Variants in ZNG1A observed in about 807,000 individuals in gnomAD.
The protein encoded by ZNG1A is zinc-regulated GTPase metalloprotein activator 1A.
chr9:161,504 T>C, the ZNG1A span: 16 of 1,048,822 alleles, frequency 1.5e-5, no homozygotes, highest in South Asian at 1.5e-4. Flanking sequence ...CGTTCAGATA[T>C]GAGGTTGGAT....
the ZNG1A span, among the ~76,000 whole-genome samples, chr9:136,903 G>A: frequency 6.6e-6 from 1 of 151,620 alleles, no homozygotes. Flanking sequence ...AATTAGCCAG[G>A]CATGGGTGCA....
At chr9:137,485 TTAAAA>T in the ZNG1A span, among the ~76,000 whole-genome samples, 3 of 151,936 alleles carry the variant, frequency 2.0e-5, no homozygotes, top group Middle Eastern at 3.4e-3. Flanking sequence ...CAGCATCAAA[TTAAAA>T]ATACAGTTCT....
At chr9:164,271 A>G in the ZNG1A span, 1 of 472,564 alleles carries the variant, frequency 2.1e-6, no homozygotes, top group Non-Finnish European at 3.7e-6. Flanking sequence ...CCTTTAAAAA[A>G]GACCAATTCT....
chr9:175,255 G>C, the ZNG1A span, among the ~76,000 whole-genome samples: 2 of 151,922 alleles, frequency 1.3e-5, no homozygotes, highest in Non-Finnish European at 2.9e-5. Context: ...GCGCACGCCT[G>C]TAGTCCCAGC....
chr9:166,535 C>G, the ZNG1A span: 1 of 152,624 alleles, frequency 6.6e-6, no homozygotes, highest in Admixed American at 6.5e-5. Context: ...ATAGGGCACA[C>G]AAGTGGCAAA....
At chr9:129,502 C>T in the ZNG1A span, among the ~76,000 whole-genome samples, 2 of 149,378 alleles carry the variant, frequency 1.3e-5, no homozygotes, top group African/African-American at 2.5e-5. Context: ...AAAAAAATCC[C>T]GTCATATACT....
the ZNG1A span, among the ~76,000 whole-genome samples, chr9:173,564 A>C: frequency 8.5e-5 from 13 of 152,320 alleles, no homozygotes; most frequent in African/African-American, 3.1e-4. Context: ...AGATGACTTA[A>C]GCCCTGAAAA....
At chr9:129,292 G>A in the ZNG1A span, among the ~76,000 whole-genome samples, 2 of 152,024 alleles carry the variant, frequency 1.3e-5, no homozygotes, top group Non-Finnish European at 2.9e-5. Context: ...AGGAAAAGCA[G>A]AAAAGTGCTT....
chr9:151,508 A>G, the ZNG1A span: 1 of 957,760 alleles, frequency 1.0e-6, no homozygotes, highest in Non-Finnish European at 1.2e-6. Flanking sequence ...TGAAATTAAG[A>G]TAACATTCAA....
At chr9:176,469 C>T in the ZNG1A span, among the ~76,000 whole-genome samples, 1 of 150,522 alleles carries the variant, frequency 6.6e-6, no homozygotes, top group South Asian at 2.1e-4. Context: ...AAAACTTTTA[C>T]ATGTAGGCTA....
At chr9:167,100 A>G in the ZNG1A span, 3 of 75,624 alleles carry the variant, frequency 4.0e-5, no homozygotes, top group Admixed American at 1.1e-4. Context: ...ATTTTAGATT[A>G]AAAAAAAAAA....
the ZNG1A span, among the ~76,000 whole-genome samples, chr9:140,924 T>C: frequency 7.0e-6 from 1 of 141,976 alleles, no homozygotes; most frequent in Non-Finnish European, 1.5e-5. Context: ...TGCGATCAAC[T>C]GGAAGAAAGG....
the ZNG1A span, chr9:172,308 C>G: frequency 9.3e-7 from 1 of 1,081,074 alleles, no homozygotes; most frequent in South Asian, 1.6e-5. Context: ...TCACTTCTAA[C>G]CTTCTAACAA....
the ZNG1A span, among the ~76,000 whole-genome samples, chr9:129,229 G>C: frequency 6.6e-6 from 1 of 152,094 alleles, no homozygotes; most frequent in Non-Finnish European, 1.5e-5. Context: ...GATGTGTTGG[G>C]CTCTAGAATG....
At chr9:153,620 A>G in the ZNG1A span, 2 of 151,826 alleles carry the variant, frequency 1.3e-5, no homozygotes, top group East Asian at 3.9e-4. Flanking sequence ...AACAATACCT[A>G]CCCTCCACGT....
chr9:173,792 A>G, the ZNG1A span, among the ~76,000 whole-genome samples: 4 of 152,034 alleles, frequency 2.6e-5, no homozygotes, highest in Non-Finnish European at 5.9e-5. Flanking sequence ...TCTTCTTCTA[A>G]ATTGTTTCTG....
the ZNG1A span, among the ~76,000 whole-genome samples, chr9:128,741 G>C: frequency 6.7e-6 from 1 of 150,352 alleles, no homozygotes; most frequent in African/African-American, 2.5e-5. Flanking sequence ...TTTGGGGGGT[G>C]TTAAAGAACC....
the ZNG1A span, among the ~76,000 whole-genome samples, chr9:140,200 T>C: frequency 1.3e-5 from 2 of 151,634 alleles, no homozygotes; most frequent in Admixed American, 6.6e-5. Flanking sequence ...AGGCTCCACC[T>C]CTGGGGGCAG....
chr9:169,008 G>A, the ZNG1A span, among the ~76,000 whole-genome samples: 1 of 152,186 alleles, frequency 6.6e-6, no homozygotes, highest in South Asian at 2.1e-4. Context: ...TGATCAAGGA[G>A]TAACTTTGAC....
Sources: gnomAD v4.1 joint callset for allele counts (sites outside exome capture counted in the v4.1 genomes callset) on GRCh38, gnomAD v4.1.1 for gene constraint, MANE v1.5 for transcripts, NCBI Gene and HGNC (gene_info 2026-07-23, HGNC 2026-07-21) for gene names.